Variants in ZMYM2 observed in about 807,000 individuals in gnomAD.
ZMYM2 encodes the protein zinc finger MYM-type protein 2.
A neutral mutation model predicts 162.8 loss-of-function variants in ZMYM2; 56 were observed. That is an observed-to-expected ratio of 0.34 (90% CI 0.28 to 0.43). ZMYM2 has a LOEUF of 0.43. ZMYM2 is among the 20% of genes least tolerant of loss of function. The pLI is 1.00. For missense variants in ZMYM2, 1,275 were observed against 1,621.8 expected (o/e 0.79, Z 3.67); for synonymous variants, 510 against 541.6 (o/e 0.94, Z 0.81).
the ZMYM2 span, among the ~76,000 whole-genome samples, chr13:19,886,162 CTTTTTT>C: frequency 5.1e-5 from 5 of 98,448 alleles, no homozygotes; most frequent in Admixed American, 1.4e-4. Flanking sequence ...TTCTTTCTTT[CTTTTTT>C]TTTTTTTTTT....
At chr13:19,951,561 G>T in the ZMYM2 span, among the ~76,000 whole-genome samples, 1 of 137,974 alleles carries the variant, frequency 7.2e-6, no homozygotes, top group Non-Finnish European at 1.6e-5. Flanking sequence ...AATTTACCGG[G>T]GGTCGTGGTG....
At chr13:20,033,363 A>T (rs1271721111) in intron 10 of ZMYM2, among the ~76,000 whole-genome samples, 1 of 152,106 alleles carries the variant, frequency 6.6e-6, no homozygotes, top group Non-Finnish European at 1.5e-5. Flanking sequence ...ACACTGAATG[A>T]GAGTTGAGCG....
chr13:19,990,865 A>T (rs967161264), intron 2 of ZMYM2, among the ~76,000 whole-genome samples: 3 of 152,060 alleles, frequency 2.0e-5, no homozygotes, highest in South Asian at 4.1e-4. Flanking sequence ...CTACAATTTA[A>T]TCTATAGTCT....
At chr13:19,950,102 C>T in the ZMYM2 span, among the ~76,000 whole-genome samples, 1 of 151,610 alleles carries the variant, frequency 6.6e-6, no homozygotes, top group South Asian at 2.1e-4. Context: ...CATAGTGAGA[C>T]CCCTTCTCTA....
At chr13:19,916,989 G>T in the ZMYM2 span, among the ~76,000 whole-genome samples, 1 of 152,138 alleles carries the variant, frequency 6.6e-6, no homozygotes, top group Non-Finnish European at 1.5e-5. Flanking sequence ...TTGAGACGGA[G>T]TCTCGCTCTG....
intron 17 of ZMYM2, among the ~76,000 whole-genome samples, chr13:20,061,969 T>C (rs1323001827): frequency 6.6e-6 from 1 of 152,212 alleles, no homozygotes; most frequent in Non-Finnish European, 1.5e-5. Context: ...GGGCAGTGCT[T>C]GCGCTACATG....
the ZMYM2 span, among the ~76,000 whole-genome samples, chr13:19,922,340 T>C: frequency 1.3e-5 from 2 of 152,256 alleles, no homozygotes; most frequent in East Asian, 1.9e-4. Context: ...GGTTAAGCTA[T>C]AGGGTGAGAG....
chr13:19,885,866 T>TATATATGTATATACACAC, the ZMYM2 span, among the ~76,000 whole-genome samples: 2 of 80,568 alleles, frequency 2.5e-5, no homozygotes, highest in Non-Finnish European at 2.6e-5. Flanking sequence ...AAAAAAAATA[T>TATATATGTATATACACAC]ATATATGTAT....
At chr13:19,966,491 G>A (rs772969263) in intron 2 of ZMYM2, among the ~76,000 whole-genome samples, 22 of 147,338 alleles carry the variant, frequency 1.5e-4, no homozygotes, top group African/African-American at 4.5e-4. Context: ...TTTTGCTCTT[G>A]TTGCCTAGGT....
intron 12 of ZMYM2, among the ~76,000 whole-genome samples, chr13:20,042,828 AT>A (rs796307486): frequency 3.8e-4 from 58 of 152,014 alleles, no homozygotes; most frequent in African/African-American, 1.3e-3. Flanking sequence ...GGTTCAAGTG[AT>A]TGTCCTGCCT....
chr13:20,008,644 T>C (rs533599630), intron 6 of ZMYM2, among the ~76,000 whole-genome samples: 4 of 152,246 alleles, frequency 2.6e-5, no homozygotes, highest in African/African-American at 9.6e-5. Flanking sequence ...GCCAGATAAT[T>C]ATTTTTTCAA....
At chr13:20,033,900 ATAT>A (rs1284323256) in intron 10 of ZMYM2, among the ~76,000 whole-genome samples, 3 of 152,186 alleles carry the variant, frequency 2.0e-5, no homozygotes, top group Admixed American at 2.0e-4. Flanking sequence ...TTGACTGAAA[ATAT>A]TATTAGTGCC....
chr13:19,993,206 G>C lies in ZMYM2; in HGVS notation c.134G>C (p.Arg45Thr). ...FSGPANPLVS[R>T]SNKFQNSSVE... ...GGTCCAGCTAATCCTTTAGTGTCTA[G>C]ATCTAATAAGTTTCAGAACTCGTCA... The change falls in exon 3 of 25, where the codon AGA (arginine) becomes ACA (threonine). Residue 45 changes from arginine (R) to threonine (T), a missense_variant. Physicochemically the swap from Arg to Thr is moderately conservative, Grantham distance 71. This residue lies in a region of ZMYM2 where 295 missense variants were observed against 286.7 expected (regional missense o/e 1.03). Coordinates refer to ENST00000610343, the MANE Select transcript of ZMYM2 (RefSeq NM_197968.4). 1 of 1,613,964 alleles carries C rather than the reference G, an allele frequency of 6.2e-7. No individual in the cohort carries two copies. Among genetic ancestry groups the C allele is most frequent in the Non-Finnish European group, 8.5e-7 (1 of 1,179,910 alleles).
At chr13:19,916,035 AT>A in the ZMYM2 span, among the ~76,000 whole-genome samples, 1,711 of 151,340 alleles carry the variant, frequency 0.011, 32 homozygotes, top group African/African-American at 0.033. Context: ...AATTTTTTCT[AT>A]TTTTTTAGCA....
At chr13:19,934,382 A>C in the ZMYM2 span, among the ~76,000 whole-genome samples, 1 of 151,750 alleles carries the variant, frequency 6.6e-6, no homozygotes, top group Non-Finnish European at 1.5e-5. Context: ...CTGGTCTTGA[A>C]CTCCTGACCT....
At chr13:19,994,774 T>C (rs1594243262) in intron 3 of ZMYM2, among the ~76,000 whole-genome samples, 1 of 151,756 alleles carries the variant, frequency 6.6e-6, no homozygotes, top group East Asian at 1.9e-4. Context: ...CAGGCGTGAG[T>C]CACTGCACCT....
the ZMYM2 span, among the ~76,000 whole-genome samples, chr13:19,889,643 C>T: frequency 1.3e-5 from 2 of 151,870 alleles, no homozygotes; most frequent in South Asian, 4.1e-4. Context: ...TTTCTTCCTT[C>T]TGCTTCCTCC....
the ZMYM2 span, among the ~76,000 whole-genome samples, chr13:19,870,550 TCTTC>T: frequency 2.0e-3 from 225 of 114,844 alleles, no homozygotes; most frequent in Middle Eastern, 0.017. Flanking sequence ...TTTCTTTCTT[TCTTC>T]CTTCCTTCCT....
At chr13:19,997,840 T>TATTA (rs1434061055) in intron 3 of ZMYM2, among the ~76,000 whole-genome samples, 1 of 152,204 alleles carries the variant, frequency 6.6e-6, no homozygotes, top group Non-Finnish European at 1.5e-5. Context: ...TACCTAGCAG[T>TATTA]AGATCTTGAA....
Sources: gnomAD v4.1 joint callset for allele counts (sites outside exome capture counted in the v4.1 genomes callset) on GRCh38, gnomAD v4.1.1 for gene constraint, gnomAD v4.1.1 regional missense constraint, MANE v1.5 for transcripts, NCBI Gene and HGNC (gene_info 2026-07-23, HGNC 2026-07-21) for gene names.